RC3H2: variants seen among roughly 807,000 people sequenced by gnomAD.
The protein encoded by RC3H2 is ring finger and CCCH-type domains 2, also known as roquin-2.
A neutral mutation model predicts 133.3 loss-of-function variants in RC3H2; 31 were observed. The ratio of observed to expected loss-of-function variants is 0.23; its 90% confidence interval spans 0.17 to 0.31. The LOEUF is 0.31. Ranked by LOEUF, RC3H2 falls within the 10% of genes least tolerant of loss-of-function variation. The pLI, the probability that RC3H2 is intolerant of heterozygous loss-of-function variation, is 1.00. For synonymous variants in RC3H2, 517 were observed against 502.2 expected, an observed-to-expected ratio of 1.03 and a Z score of -0.40; for missense variants, 1,175 against 1,437.2, an observed-to-expected ratio of 0.82 and a Z score of 2.95.
intron 5 of RC3H2, 130 bp from the exon 6 acceptor site, chr9:122,880,924 T>A (rs1831590871): frequency 4.5e-6 from 3 of 664,272 alleles, no homozygotes; most frequent in East Asian, 2.7e-5. Flanking sequence ...GGTACAAAGA[T>A]AAGATAATGT....
At chr9:122,850,473 T>A (rs1354193005) in intron 20 of RC3H2, among the ~76,000 whole-genome samples, 1 of 151,478 alleles carries the variant, frequency 6.6e-6, no homozygotes, top group Non-Finnish European at 1.5e-5. Context: ...TGAGATGGAG[T>A]CTCAGTCTGT....
At chr9:122,894,582 A>G (rs1832338621) in intron 2 of RC3H2, among the ~76,000 whole-genome samples, 1 of 152,126 alleles carries the variant, frequency 6.6e-6, no homozygotes, top group Admixed American at 6.5e-5. Context: ...GAATGAATAA[A>G]GAACATGAAG....
rs141668736 is a variant in RC3H2, at chr9:122,870,377, AAAAC to A, written c.1326-4724_1326-4721del. Among the ~76,000 whole-genome samples the A allele has an allele frequency of 7.5e-3, 927 of 123,638 alleles. 17 individuals are homozygous for A. Among genetic ancestry groups the A allele is most frequent in the African/African-American group, 0.018 (638 of 35,784 alleles). 81.1% of individuals were successfully genotyped at this position (123,638 alleles called of 152,430 possible). A position where few individuals can be genotyped will look rare whatever the true frequency, so the allele number is the denominator to read the frequency against. On this transcript the variant is annotated intron_variant, in intron 9 of 20. Coordinates refer to ENST00000357244, the MANE Select transcript of RC3H2 (RefSeq NM_001100588.3). ...CCGACAGAGCAAGACTCTGTCTCCA[AAAAC>A]AAACAAACAAACAAACAAACAAACA...
intron 18 of RC3H2, chr9:122,851,663 G>T (rs1830024570): frequency 8.0e-6 from 4 of 499,458 alleles, no homozygotes; most frequent in Non-Finnish European, 1.4e-5. Context: ...CGCCTGACTG[G>T]TTTTCGTATT....
Position 122,846,660 on chromosome 9 carries a change from G to C in RC3H2, c.*2967C>G, listed in dbSNP as rs1272724705. On this transcript the variant is annotated 3_prime_UTR_variant, in exon 21 of 21. Coordinates refer to ENST00000357244, the MANE Select transcript of RC3H2 (RefSeq NM_001100588.3). ...GACCTCAGACTATTTTTTCTGATTAGACAATAGGTAACATATGCAGTTTGG... is the reference window on the plus strand; with the variant it reads ...GACCTCAGACTATTTTTTCTGATTACACAATAGGTAACATATGCAGTTTGG... 6.6e-6 allele frequency: 1 copy of C among 152,120 alleles called. No individual in the cohort carries two copies. The highest frequency in any genetic ancestry group is 2.4e-5 in the African/African-American group (1 of 41,436). 9.4% of individuals were successfully genotyped at this position (152,120 alleles called of 1,614,324 possible). A position where few individuals can be genotyped will look rare whatever the true frequency, so the allele number is the denominator to read the frequency against.
chr9:122,889,126 T>C (rs1708587165), intron 4 of RC3H2, among the ~76,000 whole-genome samples: 1 of 152,204 alleles, frequency 6.6e-6, no homozygotes, highest in Admixed American at 6.5e-5. Flanking sequence ...CCTCTGTGTA[T>C]GTTTGTTACG....
chr9:122,854,169 G>A lies in RC3H2; in HGVS notation c.2982+16C>T, dbSNP rs1158839337. 1.9e-6 allele frequency: 3 copies of A among 1,612,622 alleles called. No homozygotes were observed. Among genetic ancestry groups the A allele is most frequent in the Non-Finnish European group, 2.5e-6 (3 of 1,179,440 alleles). On this transcript the variant is annotated intron_variant, in intron 17 of 20. Transcript: ENST00000357244. ...TTCTATTTCTCAAAAATTTATAGCT[G>A]AGTTACAGAGCCTACCTGCTGAAGT...
At chr9:122,887,240 T>C (rs532780958) in intron 4 of RC3H2, among the ~76,000 whole-genome samples, 1 of 152,330 alleles carries the variant, frequency 6.6e-6, no homozygotes, top group South Asian at 2.1e-4. Context: ...AAGAGGAAAC[T>C]TTCCTCAATA....
chr9:122,874,167 G>A (rs1831234132), intron 9 of RC3H2: 1 of 152,090 alleles, frequency 6.6e-6, no homozygotes, highest in African/African-American at 2.4e-5. Context: ...ATAGACAAGT[G>A]AAAAGAAGAG....
Position 122,879,795 on chromosome 9 carries a change from A to G in RC3H2, c.1172T>C (p.Phe391Ser), listed in dbSNP as rs1354884166. The G allele has an allele frequency of 6.2e-7, 1 of 1,613,640 alleles. No individual in the cohort carries two copies. The highest frequency in any genetic ancestry group is 8.5e-7 in the Non-Finnish European group (1 of 1,179,834). ...GCCTTTTCTACTATAATTTTGTATGAAGTCCACAAGGCCATGAACTACTGT... is the reference window on the plus strand; with the variant it reads ...GCCTTTTCTACTATAATTTTGTATGGAGTCCACAAGGCCATGAACTACTGT... ...VKTVVHGLVDFIQNYSRKGHE... is the reference protein window; with the variant it reads ...VKTVVHGLVDSIQNYSRKGHE... The change falls in exon 8 of 21, where the codon TTC (phenylalanine) becomes TCC (serine). Residue 391 changes from phenylalanine to serine, a missense_variant. Physicochemically the swap from Phe to Ser is radical, Grantham distance 155 (BLOSUM62 -2). Coordinates refer to ENST00000357244, the MANE Select transcript of RC3H2 (RefSeq NM_001100588.3).
At position 122,890,452 on chromosome 9, in the gene RC3H2, C is replaced by T; in HGVS notation, c.443G>A (p.Arg148His). 4 of 1,614,202 alleles carry T rather than the reference C, an allele frequency of 2.5e-6. No homozygotes were observed. Among genetic ancestry groups the T allele is most frequent in the Non-Finnish European group, 2.5e-6 (3 of 1,180,040 alleles). Residue 148 changes from arginine to histidine, a missense_variant, in exon 4 of 21, where the codon CGT becomes CAT. Physicochemically the swap from Arg to His is conservative, Grantham distance 29. Coordinates refer to ENST00000357244, the MANE Select transcript of RC3H2 (RefSeq NM_001100588.3). ...VNCQLVEEEG[R>H]VRAMRAARSL... Reference sequence around the variant, plus strand: ...ACGAGCTGCTCGCATGGCTCTTACACGACCTTCTTCCTCCACCAGTTGACA... The same window carrying T: ...ACGAGCTGCTCGCATGGCTCTTACATGACCTTCTTCCTCCACCAGTTGACA...
rs1829895917 is a variant in RC3H2, at chr9:122,847,525, ACAAACAG to A, written c.*2095_*2101del. 6.6e-6 allele frequency: 1 copy of A among 152,160 alleles called. No individual in the cohort carries two copies. Among genetic ancestry groups the A allele is most frequent in the African/African-American group, 2.4e-5 (1 of 41,460 alleles). 9.4% of individuals were successfully genotyped at this position (152,160 alleles called of 1,614,324 possible). On this transcript the variant is annotated 3_prime_UTR_variant, in exon 21 of 21. Coordinates refer to ENST00000357244, the MANE Select transcript of RC3H2 (RefSeq NM_001100588.3). ...TGGTTTGCATATCCTTTTTGGAATT[ACAAACAG>A]CAAATAAAGTACATTGGAAGCATTT...
chr9:122,866,981 TTGTC>T (rs894597965), intron 9 of RC3H2, among the ~76,000 whole-genome samples: 3 of 122,142 alleles, frequency 2.5e-5, no homozygotes, highest in Non-Finnish European at 5.1e-5. Context: ...CGGCCACCCA[TTGTC>T]TGAGATGTGG....
At chr9:122,868,217 G>A (rs184774124) in intron 9 of RC3H2, among the ~76,000 whole-genome samples, 47 of 152,132 alleles carry the variant, frequency 3.1e-4, no homozygotes, top group East Asian at 9.7e-4. Context: ...CCCTCTGCCC[G>A]GCCACCACCC....
At chr9:122,905,009 A>G in intron 1 of RC3H2, 101 bp downstream of exon 1, 1 of 842,440 alleles carries the variant, frequency 1.2e-6, no homozygotes, top group Non-Finnish European at 1.4e-6. Context: ...CAGGGGCGAC[A>G]GCGCACAGGC....
At chr9:122,885,698 G>T (rs888605503) in intron 4 of RC3H2, among the ~76,000 whole-genome samples, 1 of 152,036 alleles carries the variant, frequency 6.6e-6, no homozygotes, top group Non-Finnish European at 1.5e-5. Flanking sequence ...ACATAATTCA[G>T]TGGTATTTAC....
chr9:122,846,561 A>G lies in RC3H2; in HGVS notation c.*3066T>C, dbSNP rs1225585194. The G allele has an allele frequency of 6.6e-6, 1 of 152,090 alleles. No individual in the cohort carries two copies. Among genetic ancestry groups the G allele is most frequent in the African/African-American group, 2.4e-5 (1 of 41,322 alleles). 9.4% of individuals were successfully genotyped at this position (152,090 alleles called of 1,614,324 possible). A position where few individuals can be genotyped will look rare whatever the true frequency, so the allele number is the denominator to read the frequency against. ...TAACTGAATGCGGCACATGGATTTC[A>G]GAATGGAACTTAGAAATTAAAAAAC... On this transcript the variant is annotated 3_prime_UTR_variant, in exon 21 of 21. Coordinates refer to ENST00000357244, the MANE Select transcript of RC3H2 (RefSeq NM_001100588.3).
chr9:122,882,663 A>G (rs1201008163), intron 5 of RC3H2, among the ~76,000 whole-genome samples: 1 of 152,154 alleles, frequency 6.6e-6, no homozygotes, highest in African/African-American at 2.4e-5. Context: ...ACATTTTAAA[A>G]TATCTTGGGG....
chr9:122,883,400 T>A (rs765138819), intron 4 of RC3H2, 21 bp from the exon 5 acceptor site: 1 of 1,574,260 alleles, frequency 6.4e-7, no homozygotes, highest in Non-Finnish European at 8.6e-7. Context: ...TAAAGGAACA[T>A]GAGTTCATGA....
Sources: allele counts gnomAD v4.1 joint callset (sites outside exome capture counted in the v4.1 genomes callset), GRCh38; gene constraint gnomAD v4.1.1; transcripts MANE v1.5; gene names NCBI Gene and HGNC (gene_info 2026-07-23, HGNC 2026-07-21).